Variants in PPP1R12A observed in about 807,000 individuals in gnomAD.
PPP1R12A encodes myosin binding subunit.
PPP1R12A carries 19 observed loss-of-function variants against 139.6 expected under a neutral mutation model. The ratio of observed to expected loss-of-function variants is 0.14; its 90% CI spans 0.09 to 0.20. The LOEUF is 0.20. Among genes scored for constraint, PPP1R12A ranks in the 10% least tolerant of loss-of-function variants. PPP1R12A has a pLI of 1.00. For synonymous variants in PPP1R12A, 427 were observed against 420.6 expected (o/e 1.02, Z -0.19); for missense variants, 925 against 1,211.5 (o/e 0.76, Z 3.51).
At chr12:79,788,467 T>C (rs1192112479) in intron 21 of PPP1R12A, 181 bp downstream of exon 21, 1 of 559,524 alleles carries the variant, frequency 1.8e-6, no homozygotes, top group African/African-American at 1.9e-5. Flanking sequence ...CTTGGATGAC[T>C]TTCTCTTCCC....
chr12:79,807,741 T>A (rs916267223), intron 11 of PPP1R12A, among the ~76,000 whole-genome samples: 19 of 151,778 alleles, frequency 1.3e-4, no homozygotes, highest in Admixed American at 2.0e-4. Context: ...TGATTAAAAG[T>A]ATATTAAAAA....
chr12:79,837,627 G>C (rs559090952), intron 3 of PPP1R12A, among the ~76,000 whole-genome samples: 1 of 152,304 alleles, frequency 6.6e-6, no homozygotes, highest in South Asian at 2.1e-4. Context: ...GACCCAGTGG[G>C]AGGTAACTAA....
chr12:79,890,905 C>CCACACACACACACA (rs1303227049), intron 1 of PPP1R12A, among the ~76,000 whole-genome samples: 19 of 115,676 alleles, frequency 1.6e-4, no homozygotes, highest in East Asian at 5.0e-4. Context: ...CCACACCCAC[C>CCACACACACACACA]CACACACACA....
In PPP1R12A at chr12:79,775,706, A is replaced by G; in HGVS notation, c.*223T>C. ...TCAGCAGCTGCATTAACATGAAACA[A>G]TGGTCTTGATTAAAAAAAAAAAACA... is the stretch of plus-strand genomic sequence containing the variant. On this transcript the variant is annotated 3_prime_UTR_variant, in exon 25 of 25. Coordinates refer to ENST00000450142, the MANE Select transcript of PPP1R12A (RefSeq NM_002480.3). The G allele has an allele frequency of 3.3e-6, 1 of 306,652 alleles. No homozygotes were observed. Among genetic ancestry groups the G allele is most frequent in the Non-Finnish European group, 5.5e-6 (1 of 180,866 alleles). 19.0% of individuals were successfully genotyped at this position (306,652 alleles called of 1,614,324 possible). A position where few individuals can be genotyped will look rare whatever the true frequency, so the allele number is the denominator to read the frequency against.
At position 79,934,973 on chromosome 12, in the gene PPP1R12A, A is replaced by G. The variant is rs1565825508; in HGVS notation, c.-42T>C. 2 of 1,541,654 alleles carry G rather than the reference A, an allele frequency of 1.3e-6. No individual in the cohort carries two copies. The highest frequency in any genetic ancestry group is 2.4e-5 in the East Asian group (1 of 41,476). ...GGGTCTTCTTATCGCGAGGGGGGGAAGGGGGAGGCGGAGAGGGAAGAGAGG... is the reference window on the plus strand; with the variant it reads ...GGGTCTTCTTATCGCGAGGGGGGGAGGGGGGAGGCGGAGAGGGAAGAGAGG... On this transcript the variant is annotated 5_prime_UTR_variant, in exon 1 of 25. Transcript: ENST00000450142.
At chr12:79,777,331 T>A (rs1367985547) in intron 24 of PPP1R12A, 1 of 981,138 alleles carries the variant, frequency 1.0e-6, no homozygotes, top group Non-Finnish European at 1.2e-6. Flanking sequence ...AATTTTAATG[T>A]AGCTCATCAA....
At chr12:79,898,999 A>G (rs1885381503) in intron 1 of PPP1R12A, among the ~76,000 whole-genome samples, 1 of 152,116 alleles carries the variant, frequency 6.6e-6, no homozygotes, top group Non-Finnish European at 1.5e-5. Flanking sequence ...GAACACCTAT[A>G]TAATCACCAT....
At chr12:79,927,767 TA>T (rs1592848234) in intron 1 of PPP1R12A, among the ~76,000 whole-genome samples, 2 of 152,224 alleles carry the variant, frequency 1.3e-5, no homozygotes, top group South Asian at 4.1e-4. Flanking sequence ...TGCTCCTCAA[TA>T]AAACACTGAT....
At position 79,806,347 on chromosome 12, in the gene PPP1R12A, T is replaced by A; in HGVS notation, c.1656-14A>T. 1 of 1,607,036 alleles carries A rather than the reference T, an allele frequency of 6.2e-7. No individual in the cohort carries two copies. The highest frequency in any genetic ancestry group is 8.5e-7 in the Non-Finnish European group (1 of 1,173,984). Reference sequence around the variant, plus strand: ...CCAAAGGAGCAACTAAACAAAAGAGTCATATCTATATAGGATGTGTTTGTA... The same window carrying A: ...CCAAAGGAGCAACTAAACAAAAGAGACATATCTATATAGGATGTGTTTGTA... On this transcript the variant is annotated splice_polypyrimidine_tract_variant and intron_variant, in intron 12 of 24. Transcript: ENST00000450142.
intron 2 of PPP1R12A, 114 bp downstream of exon 2, chr12:79,872,694 A>G: frequency 8.6e-7 from 1 of 1,164,196 alleles, no homozygotes; most frequent in South Asian, 1.8e-5. Context: ...GGAAAGAATA[A>G]TTTTCATGAA....
chr12:79,822,136 A>T lies in PPP1R12A; in HGVS notation c.847T>A (p.Leu283Met). 1 of 1,580,830 alleles carries T rather than the reference A, an allele frequency of 6.3e-7. No individual in the cohort carries two copies. ...DEDILGYLEE[L>M]QKKQNLLHSE... ...CATACCAGATTTTGTTTCTTTTGCA[A>T]CTCTTCTAAATATCCTAAAATGTCT... The change falls in exon 6 of 25, where the codon TTG (leucine) becomes ATG (methionine). Residue 283 changes from leucine to methionine, a missense_variant. Around this residue, in one of 4 missense-constraint regions of PPP1R12A, gnomAD observed 403 missense variants for 463.7 expected, o/e 0.87. Transcript: ENST00000450142.
At chr12:79,863,363 A>G (rs889929330) in intron 2 of PPP1R12A, among the ~76,000 whole-genome samples, 10 of 152,220 alleles carry the variant, frequency 6.6e-5, no homozygotes, top group African/African-American at 2.4e-4. Context: ...CTGCAAAAAC[A>G]TGCCAAATTG....
chr12:79,894,321 C>T (rs1381476171), intron 1 of PPP1R12A, among the ~76,000 whole-genome samples: 2 of 152,140 alleles, frequency 1.3e-5, no homozygotes, highest in African/African-American at 2.4e-5. Context: ...GGCAAAAAGA[C>T]AGAACTGAAG....
chr12:79,884,002 G>C (rs1464407515), intron 1 of PPP1R12A, among the ~76,000 whole-genome samples: 1 of 152,138 alleles, frequency 6.6e-6, no homozygotes, highest in Non-Finnish European at 1.5e-5. Context: ...GGTCGTCAGG[G>C]AATATTTCCT....
intron 1 of PPP1R12A, among the ~76,000 whole-genome samples, chr12:79,932,907 A>G (rs1888354718): frequency 6.6e-6 from 1 of 152,198 alleles, no homozygotes; most frequent in Non-Finnish European, 1.5e-5. Context: ...AATAAAACAT[A>G]TTGATGCGAA....
chr12:79,849,103 A>G (rs1307487062), intron 2 of PPP1R12A, among the ~76,000 whole-genome samples: 4 of 152,186 alleles, frequency 2.6e-5, no homozygotes, highest in Non-Finnish European at 5.9e-5. Context: ...CTGTTGTCAT[A>G]TGCAAAATTA....
chr12:79,896,009 T>C, intron 1 of PPP1R12A, among the ~76,000 whole-genome samples: 1 of 151,008 alleles, frequency 6.6e-6, no homozygotes, highest in Admixed American at 6.7e-5. Flanking sequence ...ACAATTTTTT[T>C]TTTTAAAAGA....
intron 5 of PPP1R12A, 95 bp from the exon 6 acceptor site, chr12:79,822,285 G>C: frequency 1.2e-6 from 1 of 845,152 alleles, no homozygotes; most frequent in Non-Finnish European, 1.8e-6. Flanking sequence ...AAAGACGTTG[G>C]ATAACATTTT....
chr12:79,894,103 CT>C (rs1456220726), intron 1 of PPP1R12A, among the ~76,000 whole-genome samples: 1 of 152,152 alleles, frequency 6.6e-6, no homozygotes, highest in African/African-American at 2.4e-5. Flanking sequence ...GATCTAACCC[CT>C]CTCTACCTTT....
Sources: allele counts gnomAD v4.1 joint callset (sites outside exome capture counted in the v4.1 genomes callset), GRCh38; gene constraint gnomAD v4.1.1; regional missense constraint gnomAD v4.1.1; transcripts MANE v1.5; gene names NCBI Gene and HGNC (gene_info 2026-07-23, HGNC 2026-07-21).